The following ZC3H12B variants were observed in gnomAD, a reference collection of about 807,000 sequenced individuals.
The protein encoded by ZC3H12B is zinc finger CCCH-type containing 12B, also known as probable ribonuclease ZC3H12B.
ZC3H12B carries 7 observed loss-of-function variants against 43.9 expected under a neutral mutation model. The observed-to-expected ratio is 0.16, with a 90% CI of 0.09 to 0.30. The LOEUF (loss-of-function observed/expected upper bound fraction) is 0.30, where lower values mean the gene tolerates loss of function less well. Ranked by LOEUF, ZC3H12B falls within the 10% of genes least tolerant of loss-of-function variation. The pLI, the probability that ZC3H12B is intolerant of heterozygous loss-of-function variation, is 1.00. For missense variants in ZC3H12B, 475 were observed against 670.2 expected (o/e 0.71, Z 3.22); for synonymous variants, 222 against 241.7 (o/e 0.92, Z 0.76).
the ZC3H12B span, among the ~76,000 whole-genome samples, chrX:65,126,538 G>A: frequency 9.0e-6 from 1 of 111,259 alleles, no homozygotes; most frequent in Non-Finnish European, 1.9e-5. Context: ...TAGATCTCTA[G>A]CAAGGATGTG....
the ZC3H12B span, among the ~76,000 whole-genome samples, chrX:65,317,824 T>TAC: frequency 4.9e-5 from 5 of 101,881 alleles, no homozygotes; most frequent in South Asian, 1.3e-3. Flanking sequence ...TATATATATA[T>TAC]ACACACTGTA....
At chrX:65,125,322 G>T in the ZC3H12B span, among the ~76,000 whole-genome samples, 8 of 111,517 alleles carry the variant, frequency 7.2e-5, no homozygotes, top group African/African-American at 2.6e-4. Context: ...TTTTGGAGTT[G>T]ATTTTCAATT....
the ZC3H12B span, among the ~76,000 whole-genome samples, chrX:65,226,999 C>G: frequency 1.8e-5 from 2 of 110,941 alleles, no homozygotes; most frequent in African/African-American, 6.6e-5. Flanking sequence ...CAAGGATACC[C>G]AGGAATTGAA....
At chrX:65,403,856 A>C (rs923764976) in intron 3 of ZC3H12B, among the ~76,000 whole-genome samples, 4 of 111,850 alleles carry the variant, frequency 3.6e-5, no homozygotes, top group Admixed American at 9.5e-5. Flanking sequence ...AAAAGACATT[A>C]ATGAGAAACA....
the ZC3H12B span, among the ~76,000 whole-genome samples, chrX:65,203,603 G>T: frequency 9.1e-6 from 1 of 109,529 alleles, no homozygotes; most frequent in Non-Finnish European, 1.9e-5. Context: ...TGGTATCCAA[G>T]TTGCAAGACA....
chrX:65,251,360 A>G, the ZC3H12B span, among the ~76,000 whole-genome samples: 3 of 111,221 alleles, frequency 2.7e-5, no homozygotes, highest in East Asian at 5.6e-4. Flanking sequence ...ATAGTTTGAA[A>G]TCAGGTAGCG....
chrX:65,487,486 G>A (rs1380262575), upstream of ZC3H12B, among the ~76,000 whole-genome samples: 47 of 111,513 alleles, frequency 4.2e-4, no homozygotes, highest in Non-Finnish European at 1.7e-4. Context: ...GTTGCAGCGA[G>A]CTGAGCTCAT....
intron 3 of ZC3H12B, among the ~76,000 whole-genome samples, chrX:65,420,295 C>A (rs190122478): frequency 9.0e-6 from 1 of 111,579 alleles, no homozygotes; most frequent in African/African-American, 3.3e-5. Flanking sequence ...GTCAGCAGAT[C>A]AACCCCAATG....
At chrX:65,160,619 A>AT in the ZC3H12B span, among the ~76,000 whole-genome samples, 36 of 110,385 alleles carry the variant, frequency 3.3e-4, no homozygotes, top group South Asian at 1.5e-3. Context: ...CCCCTTTATC[A>AT]TTTTTTTTGT....
At position 65,422,485 on chromosome X, in the gene ZC3H12B, T is replaced by C. The variant is rs1351580441; in HGVS notation, n.407+23781T>C. Among the ~76,000 whole-genome samples, 3 of 112,164 alleles carry C rather than the reference T, an allele frequency of 2.7e-5. No homozygotes were observed. The Admixed American group carries it at 2.8e-4, about 11-fold the overall frequency. The stretch of plus-strand genomic sequence containing the variant: ...CTGTGATGGTAAATTTTGAATCAAC[T>C]TGACTGGGTCACAGGATGTTGAGAT... On this transcript the variant is annotated intron_variant and non_coding_transcript_variant, in intron 3 of 5. Coordinates refer to the ZC3H12B transcript ENST00000617377.
chrX:65,488,028 T>C (rs941756762), upstream of ZC3H12B, among the ~76,000 whole-genome samples: 5 of 111,341 alleles, frequency 4.5e-5, no homozygotes, highest in South Asian at 3.8e-4. Flanking sequence ...TCCGTCACCA[T>C]GCCCAGCTAA....
At chrX:65,213,071 C>G in the ZC3H12B span, among the ~76,000 whole-genome samples, 1 of 108,503 alleles carries the variant, frequency 9.2e-6, no homozygotes, top group African/African-American at 3.3e-5. Flanking sequence ...CCATATTATA[C>G]TATTCTGATA....
At chrX:65,434,212 G>T (rs1014530918) in intron 3 of ZC3H12B, among the ~76,000 whole-genome samples, 14 of 111,994 alleles carry the variant, frequency 1.3e-4, no homozygotes, top group African/African-American at 4.2e-4. Flanking sequence ...GCAGAGAAAA[G>T]AAACCACAGA....
chrX:65,306,350 C>A, the ZC3H12B span, among the ~76,000 whole-genome samples: 1 of 111,785 alleles, frequency 8.9e-6, no homozygotes. Context: ...TAGATTCAGC[C>A]ATTCCACTCT....
At chrX:65,317,404 T>G in the ZC3H12B span, among the ~76,000 whole-genome samples, 25 of 110,897 alleles carry the variant, frequency 2.3e-4, no homozygotes, top group Non-Finnish European at 4.0e-4. Flanking sequence ...CCATAGGTTT[T>G]GGGGAAACAG....
intron 3 of ZC3H12B, among the ~76,000 whole-genome samples, chrX:65,466,101 CTTAT>C (rs2067814298): frequency 9.1e-6 from 1 of 110,342 alleles, no homozygotes; most frequent in Non-Finnish European, 1.9e-5. Flanking sequence ...ATCACCAGAA[CTTAT>C]TTATCTTTCA....
chrX:65,258,275 C>T, the ZC3H12B span, among the ~76,000 whole-genome samples: 1 of 112,107 alleles, frequency 8.9e-6, no homozygotes, highest in African/African-American at 3.2e-5. Context: ...ATACTCAACT[C>T]AGTAAATGAT....
chrX:65,149,119 C>A, the ZC3H12B span, among the ~76,000 whole-genome samples: 1 of 111,547 alleles, frequency 9.0e-6, no homozygotes, highest in Non-Finnish European at 1.9e-5. Context: ...CACTATCCAA[C>A]CTGTCTCAGG....
the ZC3H12B span, among the ~76,000 whole-genome samples, chrX:65,338,973 C>G: frequency 8.9e-6 from 1 of 112,180 alleles, no homozygotes; most frequent in South Asian, 3.7e-4. Context: ...AATGCCCGCA[C>G]TTTTACTCAA....
Sources: allele counts gnomAD v4.1 joint callset (sites outside exome capture counted in the v4.1 genomes callset), GRCh38; gene constraint gnomAD v4.1.1; transcripts MANE v1.5; gene names NCBI Gene and HGNC (gene_info 2026-07-23, HGNC 2026-07-21).